The following METTL15 variants were observed in gnomAD, a reference collection of about 807,000 sequenced individuals.
The protein encoded by METTL15 is methyltransferase 15, mitochondrial 12S rRNA N4-cytidine, also known as 12S rRNA N(4)-cytidine methyltransferase METTL15.
METTL15 carries 34 observed loss-of-function variants against 38.3 expected under a neutral mutation model. The observed-to-expected ratio is 0.89, with a 90% confidence interval of 0.68 to 1.18. METTL15 has a LOEUF of 1.18. Among genes scored for constraint, METTL15 ranks in the 50% most tolerant of loss-of-function variants. The probability of loss-of-function intolerance (pLI) is 0.00; values close to 1 mark genes in which losing one functional copy is unlikely to be tolerated. For missense variants in METTL15, 438 were observed against 498.4 expected (o/e 0.88, Z 1.15); for synonymous variants, 162 against 170.9 (o/e 0.95, Z 0.41).
Position 28,240,921 on chromosome 11 carries a change from C to G in METTL15, c.407+29723C>G, listed in dbSNP as rs560221856. 3.0e-4 allele frequency among the ~76,000 whole-genome samples: 46 copies of G among 151,974 alleles called. No homozygotes were observed. In the Middle Eastern group the frequency reaches 0.01, roughly 34 times the overall value. ...AAACTTTTTTTAAAAAGCCAAGTGA[C>G]TTATTTAAGAAGATTTGATTGTCAG... On this transcript the variant is annotated intron_variant, in intron 4 of 6. Transcript: ENST00000407364.
At chr11:28,408,062 C>T (rs954547367) in intron 5 of METTL15, among the ~76,000 whole-genome samples, 6 of 152,036 alleles carry the variant, frequency 3.9e-5, no homozygotes, top group Non-Finnish European at 7.4e-5. Context: ...AGGAACAGAA[C>T]ACCAAACACC....
intron 3 of METTL15, chr11:28,125,513 A>G (rs1360759673): frequency 6.6e-6 from 1 of 151,598 alleles, no homozygotes; most frequent in Non-Finnish European, 1.5e-5. Flanking sequence ...ATTTCAGTGT[A>G]TTCTATTCTG....
At chr11:28,413,412 G>T (rs9651592) in intron 5 of METTL15, among the ~76,000 whole-genome samples, 2,683 of 152,134 alleles carry the variant, frequency 0.018, 52 homozygotes, top group African/African-American at 0.051. Flanking sequence ...CTTAAAAAAA[G>T]ATTTATATTC....
chr11:28,375,551 C>T (rs1026601021), intron 5 of METTL15, among the ~76,000 whole-genome samples: 3 of 151,534 alleles, frequency 2.0e-5, no homozygotes, highest in African/African-American at 7.3e-5. Context: ...TTTGATTCTT[C>T]TCTCTTTTTT....
At chr11:28,384,249 T>G (rs1397319632) in intron 5 of METTL15, among the ~76,000 whole-genome samples, 1 of 152,150 alleles carries the variant, frequency 6.6e-6, no homozygotes, top group African/African-American at 2.4e-5. Flanking sequence ...TTTGCTGTTG[T>G]GTATAGTGTG....
intron 6 of METTL15, among the ~76,000 whole-genome samples, chr11:28,437,128 A>G (rs1417996924): frequency 1.3e-5 from 2 of 152,162 alleles, no homozygotes; most frequent in Admixed American, 6.5e-5. Context: ...GCCTTCAGCC[A>G]CAGACTGAGG....
chr11:28,282,045 TGAAGG>T (rs1035328799), intron 4 of METTL15, among the ~76,000 whole-genome samples: 11 of 152,362 alleles, frequency 7.2e-5, no homozygotes, highest in African/African-American at 2.4e-4. Flanking sequence ...AAGTATTTCT[TGAAGG>T]GAAGGAAGGA....
At chr11:28,245,023 A>G (rs1303695171) in intron 4 of METTL15, among the ~76,000 whole-genome samples, 1 of 152,208 alleles carries the variant, frequency 6.6e-6, no homozygotes, top group Non-Finnish European at 1.5e-5. Context: ...ATCTGAAGAT[A>G]GGCAGGTCTA....
chr11:28,502,113 A>AG (rs1469099513), intron 6 of METTL15, among the ~76,000 whole-genome samples: 1 of 151,512 alleles, frequency 6.6e-6, no homozygotes, highest in Non-Finnish European at 1.5e-5. Context: ...AAAAAAAAAA[A>AG]AGAAAAAAAA....
rs183937487 is a variant in METTL15 at position 28,326,630 on chromosome 11, G to A, written c.779-3766G>A. Among the ~76,000 whole-genome samples the A allele has an allele frequency of 5.1e-3, 782 of 152,142 alleles. 7 individuals carry two copies. Among genetic ancestry groups the A allele is most frequent in the African/African-American group, 0.018 (738 of 41,486 alleles). On this transcript the variant is annotated intron_variant, in intron 6 of 6. Transcript: ENST00000407364. ...CTCACTCTGTCGCCCAGGCTGGAGT[G>A]CAGTGGTGCAATCATGGCTCACTGC...
intron 6 of METTL15, among the ~76,000 whole-genome samples, chr11:28,324,391 A>C (rs1181190942): frequency 6.6e-6 from 1 of 152,196 alleles, no homozygotes; most frequent in African/African-American, 2.4e-5. Flanking sequence ...CACCTTGCAC[A>C]TTTCCCCTAT....
intron 4 of METTL15, among the ~76,000 whole-genome samples, chr11:28,215,256 A>G (rs989727110): frequency 3.3e-5 from 5 of 152,194 alleles, no homozygotes; most frequent in African/African-American, 1.2e-4. Flanking sequence ...TCTATTACAC[A>G]GAAAGAAGTG....
At chr11:28,425,750 A>G (rs1850858332) in intron 6 of METTL15, among the ~76,000 whole-genome samples, 1 of 152,090 alleles carries the variant, frequency 6.6e-6, no homozygotes, top group Non-Finnish European at 1.5e-5. Context: ...TGGTACCTGT[A>G]TATATTTTTT....
At chr11:28,522,153 C>T (rs555897060) in intron 6 of METTL15, among the ~76,000 whole-genome samples, 37 of 152,244 alleles carry the variant, frequency 2.4e-4, no homozygotes, top group Admixed American at 3.3e-4. Context: ...GGCTCTGGAG[C>T]CAGCCCTCCC....
intron 3 of METTL15, among the ~76,000 whole-genome samples, chr11:28,340,311 A>C (rs1849938919): frequency 6.6e-6 from 1 of 152,180 alleles, no homozygotes; most frequent in Non-Finnish European, 1.5e-5. Flanking sequence ...ATTAAAAAAT[A>C]AGCTACATAG....
chr11:28,240,735 C>T (rs868496428), intron 4 of METTL15, among the ~76,000 whole-genome samples: 4 of 152,192 alleles, frequency 2.6e-5, no homozygotes, highest in South Asian at 4.1e-4. Flanking sequence ...TAACTTGAAT[C>T]GGTCTTAACC....
intron 4 of METTL15, chr11:28,287,205 G>A (rs1391467862): frequency 5.4e-6 from 1 of 183,804 alleles, no homozygotes; most frequent in South Asian, 6.4e-5. Context: ...TGTTCATGAG[G>A]CATTTTATTT....
intron 5 of METTL15, among the ~76,000 whole-genome samples, chr11:28,412,842 T>G (rs138681417): frequency 2.1e-4 from 32 of 151,992 alleles, no homozygotes; most frequent in African/African-American, 7.5e-4. Flanking sequence ...AGGACTCAAG[T>G]TAAAAAATTG....
rs148971454 is a variant in METTL15 at position 28,229,343 on chromosome 11, A to G, written c.407+18145A>G. Among the ~76,000 whole-genome samples, 573 of 152,022 alleles carry G rather than the reference A, an allele frequency of 3.8e-3. 2 individuals carry two copies. Among genetic ancestry groups the G allele is most frequent in the Middle Eastern group, 6.8e-3 (2 of 294 alleles). On this transcript the variant is annotated intron_variant, in intron 4 of 6. Transcript: ENST00000407364. ...AACTGTTTAAGATTTGAGGCCTGGG[A>G]CACTGCATTCAACTTCCCTCACCTT...
Sources: allele counts gnomAD v4.1 joint callset (sites outside exome capture counted in the v4.1 genomes callset), GRCh38; gene constraint gnomAD v4.1.1; transcripts MANE v1.5; gene names NCBI Gene and HGNC (gene_info 2026-07-23, HGNC 2026-07-21).